NSUN6: variants seen among roughly 807,000 people sequenced by gnomAD.
NSUN6 encodes the protein NOP2/Sun RNA methyltransferase 6.
A neutral mutation model predicts 58.0 loss-of-function variants in NSUN6; 64 were observed. The observed-to-expected ratio is 1.10, with a 90% confidence interval of 0.90 to 1.36. The LOEUF (loss-of-function observed/expected upper bound fraction) is 1.36. NSUN6 is among the 40% of genes most tolerant of loss of function. The pLI is 0.00. For missense variants in NSUN6, 701 were observed against 550.1 expected, an observed-to-expected ratio of 1.27 and a Z score of -2.74; for synonymous variants, 231 against 193.9, an observed-to-expected ratio of 1.19 and a Z score of -1.59.
At chr10:18,613,838 C>T (rs985748712) in intron 5 of NSUN6, among the ~76,000 whole-genome samples, 4 of 152,246 alleles carry the variant, frequency 2.6e-5, no homozygotes, top group South Asian at 2.1e-4. Context: ...ATGTCTATGT[C>T]AGCCATGAAC....
chr10:18,624,970 G>A (rs190065270), intron 3 of NSUN6, among the ~76,000 whole-genome samples: 14 of 152,310 alleles, frequency 9.2e-5, no homozygotes, highest in African/African-American at 3.4e-4. Flanking sequence ...GCTACGCAGA[G>A]GGTGCCTATG....
chr10:18,616,799 C>A (rs1361513137), intron 3 of NSUN6, among the ~76,000 whole-genome samples: 1 of 152,082 alleles, frequency 6.6e-6, no homozygotes, highest in East Asian at 1.9e-4. Context: ...CCACTAAAAT[C>A]TGTATTACTT....
intron 8 of NSUN6, among the ~76,000 whole-genome samples, chr10:18,579,255 C>T (rs1159605284): frequency 1.3e-5 from 2 of 152,190 alleles, no homozygotes; most frequent in African/African-American, 4.8e-5. Context: ...TCACTGCAAG[C>T]TCTGCCTCCC....
intron 2 of NSUN6, among the ~76,000 whole-genome samples, chr10:18,646,309 T>C (rs1447646979): frequency 6.6e-6 from 1 of 152,068 alleles, no homozygotes; most frequent in Non-Finnish European, 1.5e-5. Context: ...CTTTTCAACG[T>C]GAAAGGAAAA....
At chr10:18,547,506 C>T (rs1325744311) in intron 10 of NSUN6, among the ~76,000 whole-genome samples, 5 of 151,984 alleles carry the variant, frequency 3.3e-5, no homozygotes, top group Admixed American at 1.3e-4. Context: ...TGAATGTATG[C>T]GAGCATTATT....
At chr10:18,617,425 T>G (rs938057450) in intron 3 of NSUN6, among the ~76,000 whole-genome samples, 3 of 152,092 alleles carry the variant, frequency 2.0e-5, no homozygotes, top group African/African-American at 7.2e-5. Flanking sequence ...TGACCTCAGG[T>G]GATCCACCAG....
At chr10:18,650,315 A>G (rs910320123) in intron 1 of NSUN6, among the ~76,000 whole-genome samples, 2 of 152,318 alleles carry the variant, frequency 1.3e-5, no homozygotes, top group East Asian at 3.9e-4. Context: ...TGGAATAGAC[A>G]ACAGGCTTTG....
chr10:18,621,756 AG>A (rs1429786508), intron 3 of NSUN6, among the ~76,000 whole-genome samples: 1 of 152,228 alleles, frequency 6.6e-6, no homozygotes, highest in East Asian at 1.9e-4. Context: ...AATTAAAAAC[AG>A]ATTATGGGAA....
At position 18,545,845 on chromosome 10, in the gene NSUN6, A is replaced by G; in HGVS notation, c.*88T>C. 1 of 752,164 alleles carries G rather than the reference A, an allele frequency of 1.3e-6. No homozygotes were observed. Among genetic ancestry groups the G allele is most frequent in the African/African-American group, 1.9e-5 (1 of 52,192 alleles). 46.6% of individuals were successfully genotyped at this position (752,164 alleles called of 1,614,324 possible). A position where few individuals can be genotyped will look rare whatever the true frequency, so the allele number is the denominator to read the frequency against. On this transcript the variant is annotated 3_prime_UTR_variant, in exon 11 of 11. Transcript: ENST00000377304. ...TTCCATAGCAACCACATCATCATTC[A>G]GTTGGCCTGACAACACTTTGGTTAA... is the stretch of plus-strand genomic sequence containing the variant.
At chr10:18,626,531 G>A (rs1222331766) in intron 3 of NSUN6, among the ~76,000 whole-genome samples, 3 of 152,216 alleles carry the variant, frequency 2.0e-5, no homozygotes, top group Admixed American at 6.5e-5. Context: ...ACTTTAGGAG[G>A]CTGAGGCAGG....
At chr10:18,592,105 G>C (rs2057399612) in intron 7 of NSUN6, among the ~76,000 whole-genome samples, 1 of 152,098 alleles carries the variant, frequency 6.6e-6, no homozygotes, top group Admixed American at 6.6e-5. Flanking sequence ...AATCATGAGT[G>C]AACTCCCATT....
At chr10:18,643,841 G>C (rs1177168761) in intron 2 of NSUN6, among the ~76,000 whole-genome samples, 1 of 152,100 alleles carries the variant, frequency 6.6e-6, no homozygotes, top group African/African-American at 2.4e-5. Flanking sequence ...AGAGATCAAA[G>C]CTTCTCAAGC....
chr10:18,553,489 G>A (rs1183911674), intron 8 of NSUN6, among the ~76,000 whole-genome samples: 1 of 151,916 alleles, frequency 6.6e-6, no homozygotes, highest in African/African-American at 2.4e-5. Context: ...GAATGGAATG[G>A]AATGGAGAAT....
At chr10:18,632,208 A>G (rs948490913) in intron 3 of NSUN6, among the ~76,000 whole-genome samples, 11 of 152,104 alleles carry the variant, frequency 7.2e-5, no homozygotes, top group African/African-American at 2.7e-4. Flanking sequence ...CCATATGTAG[A>G]AAGCTGAAAC....
At chr10:18,659,013 C>G (rs2059808964), upstream of NSUN6, among the ~76,000 whole-genome samples, 1 of 152,216 alleles carries the variant, frequency 6.6e-6, no homozygotes, top group South Asian at 2.1e-4. Flanking sequence ...TGTGAGTTTT[C>G]TAAGAGCAGC....
chr10:18,637,251 C>T (rs1334002057), intron 3 of NSUN6, among the ~76,000 whole-genome samples: 1 of 152,140 alleles, frequency 6.6e-6, no homozygotes, highest in Non-Finnish European at 1.5e-5. Context: ...GCGTGAGCCA[C>T]CACGCCCGGC....
rs147297758 is a variant in NSUN6 at position 18,554,514 on chromosome 10, G to T, written c.923-2543C>A. ...AAGGGAGAATGGAATGGAATCAATC[G>T]GAACGTGGAATGCAGAATGGGTATG... On this transcript the variant is annotated intron_variant, in intron 8 of 10. Coordinates refer to ENST00000377304, the MANE Select transcript of NSUN6 (RefSeq NM_182543.5). Among the ~76,000 whole-genome samples the T allele has an allele frequency of 3.3e-5, 5 of 150,574 alleles. No individual in the cohort carries two copies. The South Asian group carries it at 1.1e-3, about 32-fold the overall frequency.
At chr10:18,604,429 T>C (rs1295826782) in intron 6 of NSUN6, among the ~76,000 whole-genome samples, 1 of 152,178 alleles carries the variant, frequency 6.6e-6, no homozygotes, top group Non-Finnish European at 1.5e-5. Context: ...TTCTCAGATC[T>C]TCCCACTGCT....
chr10:18,578,287 G>C (rs1320814957), intron 8 of NSUN6, among the ~76,000 whole-genome samples: 3 of 147,052 alleles, frequency 2.0e-5, no homozygotes, highest in Non-Finnish European at 4.5e-5. Flanking sequence ...AAGCTGGAGT[G>C]CCGTGGCACC....
Sources: allele counts gnomAD v4.1 joint callset (sites outside exome capture counted in the v4.1 genomes callset), GRCh38; gene constraint gnomAD v4.1.1; transcripts MANE v1.5; gene names NCBI Gene and HGNC (gene_info 2026-07-23, HGNC 2026-07-21).